SHISA9: variants seen among roughly 807,000 people sequenced by gnomAD.
SHISA9 encodes the protein protein shisa-9.
A neutral mutation model predicts 38.0 loss-of-function variants in SHISA9; 13 were observed. The ratio of observed to expected loss-of-function variants is 0.34; its 90% CI spans 0.22 to 0.54. The LOEUF (loss-of-function observed/expected upper bound fraction) is 0.54, where lower values mean the gene tolerates loss of function less well. Among genes scored for constraint, SHISA9 ranks in the 20% least tolerant of loss-of-function variants. The pLI, the probability that SHISA9 is intolerant of heterozygous loss-of-function variation, is 0.91. For missense variants in SHISA9, 538 were observed against 575.8 expected, an observed-to-expected ratio of 0.93 and a Z score of 0.67; for synonymous variants, 275 against 242.0, an observed-to-expected ratio of 1.14 and a Z score of -1.27.
At chr16:13,061,180 A>T (rs1387546042) in intron 2 of SHISA9, among the ~76,000 whole-genome samples, 1 of 152,166 alleles carries the variant, frequency 6.6e-6, no homozygotes, top group Non-Finnish European at 1.5e-5. Context: ...ACGGGGCCTG[A>T]TACGGCTACA....
chr16:13,459,035 C>T, the SHISA9 span, among the ~76,000 whole-genome samples: 1 of 151,864 alleles, frequency 6.6e-6, no homozygotes, highest in Admixed American at 6.6e-5. Context: ...GTAATTTTAG[C>T]AGAGATGGGG....
chr16:13,530,430 G>T, the SHISA9 span, among the ~76,000 whole-genome samples: 1 of 152,088 alleles, frequency 6.6e-6, no homozygotes, highest in African/African-American at 2.4e-5. Flanking sequence ...CTGTTTTATG[G>T]GGTTATTGTG....
intron 2 of SHISA9, among the ~76,000 whole-genome samples, chr16:13,067,387 G>C (rs1346013471): frequency 1.3e-5 from 2 of 152,200 alleles, no homozygotes; most frequent in African/African-American, 4.8e-5. Context: ...TTCTAGATGA[G>C]TGATGTTGGG....
At chr16:13,454,888 G>A in the SHISA9 span, among the ~76,000 whole-genome samples, 1 of 152,160 alleles carries the variant, frequency 6.6e-6, no homozygotes, top group African/African-American at 2.4e-5. Context: ...GGAGGGAAGG[G>A]CAGTCTCATG....
the SHISA9 span, among the ~76,000 whole-genome samples, chr16:13,368,867 G>C: frequency 7.2e-5 from 11 of 152,266 alleles, no homozygotes; most frequent in East Asian, 1.5e-3. Context: ...CAGGGAGTAA[G>C]TATACAGTGT....
the SHISA9 span, among the ~76,000 whole-genome samples, chr16:13,325,532 T>C: frequency 6.6e-6 from 1 of 152,322 alleles, no homozygotes; most frequent in South Asian, 2.1e-4. Flanking sequence ...GGTTAGAGCA[T>C]GTATTTATAC....
At chr16:13,430,494 T>C in the SHISA9 span, among the ~76,000 whole-genome samples, 1 of 152,218 alleles carries the variant, frequency 6.6e-6, no homozygotes, top group African/African-American at 2.4e-5. Context: ...CACCACCAAG[T>C]TGTTTGCCCC....
the SHISA9 span, among the ~76,000 whole-genome samples, chr16:13,356,503 C>T: frequency 6.6e-6 from 1 of 152,186 alleles, no homozygotes; most frequent in South Asian, 2.1e-4. Context: ...GAGGGCTAGT[C>T]ACGGAACGAA....
At chr16:13,063,073 C>G (rs1034798307) in intron 2 of SHISA9, among the ~76,000 whole-genome samples, 4 of 152,108 alleles carry the variant, frequency 2.6e-5, no homozygotes, top group African/African-American at 9.7e-5. Flanking sequence ...GTGATGCGAT[C>G]TCAGCTCACT....
At chr16:13,150,020 T>C (rs2050483770) in intron 2 of SHISA9, among the ~76,000 whole-genome samples, 1 of 118,724 alleles carries the variant, frequency 8.4e-6, no homozygotes, top group Non-Finnish European at 1.7e-5. Flanking sequence ...GTCATTATCA[T>C]CCTCATCATT....
chr16:13,541,835 A>G, the SHISA9 span, among the ~76,000 whole-genome samples: 1 of 152,220 alleles, frequency 6.6e-6, no homozygotes, highest in Non-Finnish European at 1.5e-5. Context: ...AACTCACAGA[A>G]TAAAGGACAA....
the SHISA9 span, among the ~76,000 whole-genome samples, chr16:13,459,916 A>T: frequency 6.6e-6 from 1 of 151,858 alleles, no homozygotes; most frequent in Non-Finnish European, 1.5e-5. Flanking sequence ...ATGATTATGA[A>T]TATTTTTTTA....
chr16:13,010,004 C>T (rs988353608), intron 2 of SHISA9, among the ~76,000 whole-genome samples: 6 of 151,938 alleles, frequency 3.9e-5, no homozygotes, highest in African/African-American at 1.5e-4. Context: ...TAGAGAGATC[C>T]AGCTCTGCAA....
chr16:13,020,847 A>C (rs150827860), intron 2 of SHISA9, among the ~76,000 whole-genome samples: 49 of 152,316 alleles, frequency 3.2e-4, no homozygotes, highest in African/African-American at 9.9e-4. Flanking sequence ...TGTAAATTGG[A>C]TAACCAGATT....
chr16:13,062,270 C>G (rs930333837), intron 2 of SHISA9, among the ~76,000 whole-genome samples: 2 of 152,044 alleles, frequency 1.3e-5, no homozygotes, highest in Non-Finnish European at 2.9e-5. Flanking sequence ...TCTGGTAACC[C>G]TGGCTGTAGT....
At chr16:13,220,231 G>A (rs1195803777) in intron 4 of SHISA9, among the ~76,000 whole-genome samples, 2 of 152,200 alleles carry the variant, frequency 1.3e-5, no homozygotes, top group Admixed American at 6.5e-5. Flanking sequence ...TTGGCTGGAT[G>A]TTGGGTGATC....
the SHISA9 span, among the ~76,000 whole-genome samples, chr16:13,462,823 G>A: frequency 2.6e-5 from 4 of 151,946 alleles, no homozygotes; most frequent in Admixed American, 6.6e-5. Flanking sequence ...TTAGCCAGGC[G>A]TGGTGGCGGG....
the SHISA9 span, among the ~76,000 whole-genome samples, chr16:13,330,614 A>G: frequency 6.6e-6 from 1 of 152,066 alleles, no homozygotes; most frequent in Non-Finnish European, 1.5e-5. Context: ...TTCCTCACTT[A>G]CTGTTTGCTT....
chr16:13,171,117 G>A (rs960950205), intron 2 of SHISA9, among the ~76,000 whole-genome samples: 2 of 152,178 alleles, frequency 1.3e-5, no homozygotes, highest in South Asian at 2.1e-4. Context: ...GGAAGCAGGC[G>A]TGTCACATGG....
Sources: allele counts gnomAD v4.1 joint callset (sites outside exome capture counted in the v4.1 genomes callset), GRCh38; gene constraint gnomAD v4.1.1; transcripts MANE v1.5; gene names NCBI Gene and HGNC (gene_info 2026-07-23, HGNC 2026-07-21).